The following KMT2D variants were observed in gnomAD, a reference collection of about 807,000 sequenced individuals.
KMT2D encodes histone-lysine N-methyltransferase 2D.
In KMT2D, 55 loss-of-function variants were observed where a neutral mutation model predicts 512.7. That is an observed-to-expected ratio of 0.11 (90% CI 0.09 to 0.13). The LOEUF (loss-of-function observed/expected upper bound fraction) is 0.13, where lower values mean the gene tolerates loss of function less well. KMT2D is among the 10% of genes least tolerant of loss of function. KMT2D has a pLI of 1.00. For synonymous variants in KMT2D, 2,995 were observed against 2,904.0 expected, an observed-to-expected ratio of 1.03 and a Z score of -1.01; for missense variants, 6,061 against 7,127.9, an observed-to-expected ratio of 0.85 and a Z score of 5.39.
Position 49,042,952 on chromosome 12 carries a change from TGGCCAGGAACAGTCCAGGACTCCCCACCA to T in KMT2D, c.5644+95_5645-75del. On this transcript the variant is annotated intron_variant, in intron 26 of 54. Transcript: ENST00000301067. The surrounding 1 kb of genome is among the most constrained non-coding windows in gnomAD (Gnocchi z 4.4). Reference sequence around the variant, plus strand: ...GACACCACAGGTCTACAAATGATCATGGCCAGGAACAGTCCAGGACTCCCCACCAGAGAAGCTGTACAGATCACAGTCCC... The same window carrying T: ...GACACCACAGGTCTACAAATGATCATGAGAAGCTGTACAGATCACAGTCCC... 2 of 1,596,864 alleles carry T rather than the reference TGGCCAGGAACAGTCCAGGACTCCCCACCA, an allele frequency of 1.3e-6. No homozygotes were observed. Among genetic ancestry groups the T allele is most frequent in the Non-Finnish European group, 1.7e-6 (2 of 1,166,112 alleles).
In KMT2D at chr12:49,022,703, G is replaced by A. The variant is rs2137706894; in HGVS notation, c.16225C>T (p.Leu5409=). 1 of 1,614,014 alleles carries A rather than the reference G, an allele frequency of 6.2e-7. No individual in the cohort carries two copies. Among genetic ancestry groups the A allele is most frequent in the Non-Finnish European group, 8.5e-7 (1 of 1,179,898 alleles). ...AGGTCCTTGGCTGCATAGAGCCCCAGGCCCTGGATACGGGAGCGAGCCAGG... is the reference window on the plus strand; with the variant it reads ...AGGTCCTTGGCTGCATAGAGCCCCAAGCCCTGGATACGGGAGCGAGCCAGG... The part of the protein sequence containing the change: ...VYLARSRIQG[L]GLYAAKDLEK... Residue 5409 remains leucine (L), a synonymous_variant, in exon 52 of 55, where the codon CTG becomes TTG. Coordinates refer to ENST00000301067, the MANE Select transcript of KMT2D (RefSeq NM_003482.4). The surrounding 1 kb of genome is among the most constrained non-coding windows in gnomAD (Gnocchi z 8.6).
rs2120655554 is a variant in KMT2D, at chr12:49,050,700, G to T, written c.2888C>A (p.Ala963Asp). ...PLGELEYPFG[A>D]KGDSDPESPL... ...TGACTCAGGGTCACTGTCCCCTTTG[G>T]CACCAAAGGGGTACTCTAACTCCCC... is the stretch of plus-strand genomic sequence containing the variant. Residue 963 changes from alanine to aspartate, a missense_variant, in exon 12 of 55, where the codon GCC (alanine) becomes GAC (aspartate). Ala to Asp is a moderately radical substitution (Grantham distance 126). This residue lies in a region of KMT2D where 848 missense variants were observed against 838.5 expected (regional missense o/e 1.01). Transcript: ENST00000301067. The T allele has an allele frequency of 6.2e-7, 1 of 1,613,594 alleles. No individual in the cohort carries two copies. Among genetic ancestry groups the T allele is most frequent in the East Asian group, 2.2e-5 (1 of 44,854 alleles).
Position 49,034,826 on chromosome 12 carries a change from T to C in KMT2D, c.10341A>G (p.Ala3447=). The change falls in exon 36 of 55, where the codon GCA becomes GCG. Residue 3447 remains alanine, a synonymous_variant. Coordinates refer to ENST00000301067, the MANE Select transcript of KMT2D (RefSeq NM_003482.4). ...KVMAQGSIGV[A]PGMNRQQVSL... ...CTGAGTCTTACCTGTTCATACCAGG[T>C]GCCACCCCAATGCTGCCCTGAGCCA... The C allele has an allele frequency of 6.2e-7, 1 of 1,613,984 alleles. No homozygotes were observed. The highest frequency in any genetic ancestry group is 8.5e-7 in the Non-Finnish European group (1 of 1,179,880).
rs1484318316 is a variant in KMT2D at position 49,050,081 on chromosome 12, G to A, written c.3507C>T (p.Tyr1169=). 5 of 1,613,712 alleles carry A rather than the reference G, an allele frequency of 3.1e-6. No individual in the cohort carries two copies. Among genetic ancestry groups the A allele is most frequent in the Non-Finnish European group, 3.4e-6 (4 of 1,179,884 alleles). Residue 1169 remains tyrosine (Y), a synonymous_variant, in exon 12 of 55, where the codon TAC becomes TAT. Transcript: ENST00000301067. ...ELAPVTPMEV[Y]PECKQTAGQG... is the part of the protein sequence containing the mutation. The stretch of plus-strand genomic sequence containing the variant: ...GCCCTGCTGTCTGCTTGCATTCGGG[G>A]TAGACCTCCATAGGGGTCACAGGGG...
In KMT2D at chr12:49,042,547, G is replaced by A. The variant is rs191512888; in HGVS notation, c.5867+14C>T. The A allele has an allele frequency of 2.0e-5, 32 of 1,612,692 alleles. No individual in the cohort carries two copies. Among genetic ancestry groups the A allele is most frequent in the Middle Eastern group, 1.7e-4 (1 of 6,056 alleles). ...AACGAGGACTGCCCACAAAGGTTAC[G>A]CAGAGACACCAACCTAGAATCCAGG... On this transcript the variant is annotated intron_variant, in intron 28 of 54. Transcript: ENST00000301067. The surrounding 1 kb of genome is among the most constrained non-coding windows in gnomAD (Gnocchi z 4.4).
At position 49,044,051 on chromosome 12, in the gene KMT2D, C is replaced by T. The variant is rs1300643461; in HGVS notation, c.5189-53G>A. 1 of 1,608,526 alleles carries T rather than the reference C, an allele frequency of 6.2e-7. No individual in the cohort carries two copies. Among genetic ancestry groups the T allele is most frequent in the African/African-American group, 1.3e-5 (1 of 74,840 alleles). On this transcript the variant is annotated intron_variant, in intron 22 of 54. Coordinates refer to ENST00000301067, the MANE Select transcript of KMT2D (RefSeq NM_003482.4). The surrounding 1 kb of genome is among the most constrained non-coding windows in gnomAD (Gnocchi z 6.4). Reference sequence around the variant, plus strand: ...CGGGTTGAGAGCATGCTGCTCCCAACTTGCAGGGTGACACTTTGTGCCTAC... The same window carrying T: ...CGGGTTGAGAGCATGCTGCTCCCAATTTGCAGGGTGACACTTTGTGCCTAC...
At chr12:49,043,247 C>T (rs1943621826) in intron 25 of KMT2D, 61 bp from the exon 26 acceptor site, 1 of 1,536,854 alleles carries the variant, frequency 6.5e-7, no homozygotes, top group African/African-American at 1.4e-5. Flanking sequence ...CACTCTGAAC[C>T]ACAGAGGGCC....
chr12:49,025,297 C>T (rs1942518595), intron 49 of KMT2D, among the ~76,000 whole-genome samples: 3 of 152,174 alleles, frequency 2.0e-5, no homozygotes, highest in African/African-American at 7.2e-5. Context: ...CAAATACAGT[C>T]ACGTGCAGCT....
rs550676394 is a variant in KMT2D at position 49,043,943 on chromosome 12, C to T, written c.5244G>A (p.Gly1748=). The T allele has an allele frequency of 8.6e-5, 139 of 1,614,044 alleles. No homozygotes were observed. In the South Asian group the frequency reaches 1.4e-3, roughly 17 times the overall value. ...EGAVEQSLAE[G]DEKKKQQRRG... The stretch of plus-strand genomic sequence containing the variant: ...GCCGCTGTTGCTTCTTCTTCTCATC[C>T]CCTTCAGCTAAGCTCTGCTCCACGG... Residue 1748 remains glycine, a synonymous_variant, in exon 23 of 55, where the codon GGG becomes GGA. Transcript: ENST00000301067.
Position 49,027,299 on chromosome 12 carries a change from G to A in KMT2D, c.14667C>T (p.Pro4889=), listed in dbSNP as rs746115465. The stretch of plus-strand genomic sequence containing the variant: ...CATTGTAGGTATAGCTGTGCTGAGT[G>A]GGTGGCTCTGGGGCGGGGCTCTCCT... ...LKQESPAPEP[P]TQHSYTYNVS... Residue 4889 remains proline (P), a synonymous_variant, in exon 49 of 55, where the codon CCC becomes CCT. Transcript: ENST00000301067. 1 of 1,531,852 alleles carries A rather than the reference G, an allele frequency of 6.5e-7. No individual in the cohort carries two copies. Among genetic ancestry groups the A allele is most frequent in the Non-Finnish European group, 8.8e-7 (1 of 1,142,794 alleles). 94.9% of individuals were successfully genotyped at this position (1,531,852 alleles called of 1,614,324 possible).
Position 49,048,788 on chromosome 12 carries a change from T to C in KMT2D, c.4021-19A>G, listed in dbSNP as rs1937716811. ...CAGCAACCTGATGGGCAGAGAGTTA[T>C]GGAAAGTGAGGCAGATAAATCTGCC... On this transcript the variant is annotated intron_variant, in intron 13 of 54. Coordinates refer to ENST00000301067, the MANE Select transcript of KMT2D (RefSeq NM_003482.4). 1.3e-6 allele frequency: 2 copies of C among 1,517,518 alleles called. No individual in the cohort carries two copies. The highest frequency in any genetic ancestry group is 1.8e-6 in the Non-Finnish European group (2 of 1,100,174). 94.0% of individuals were successfully genotyped at this position (1,517,518 alleles called of 1,614,324 possible).
chr12:49,044,799 G>A lies in KMT2D; in HGVS notation c.4908C>T (p.Gly1636=), dbSNP rs769668943. 3 of 1,614,002 alleles carry A rather than the reference G, an allele frequency of 1.9e-6. No homozygotes were observed. In the South Asian group the frequency reaches 3.3e-5, roughly 18 times the overall value. Residue 1636 remains glycine, a synonymous_variant, in exon 20 of 55, where the codon GGC becomes GGT. Coordinates refer to ENST00000301067, the MANE Select transcript of KMT2D (RefSeq NM_003482.4). The surrounding 1 kb of genome is among the most constrained non-coding windows in gnomAD (Gnocchi z 6.4). ...GGTCCCCATCCTTCTTGTCATCAGG[G>A]CCAAGGGCATCTGAGGGCTCAGAAC... is the stretch of plus-strand genomic sequence containing the variant. ...LEGSEPSDAL[G]PDDKKDGDLD...
Position 49,030,585 on chromosome 12 carries a change from T to C in KMT2D, c.13839+16A>G, listed in dbSNP as rs1942851272. On this transcript the variant is annotated intron_variant, in intron 42 of 54. Coordinates refer to ENST00000301067, the MANE Select transcript of KMT2D (RefSeq NM_003482.4). Reference sequence around the variant, plus strand: ...AGAACTTCACTATTCCCAAAAAATATTGCCATTTTTCTGACCTTGGTAAGC... The same window carrying C: ...AGAACTTCACTATTCCCAAAAAATACTGCCATTTTTCTGACCTTGGTAAGC... 15 of 1,545,628 alleles carry C rather than the reference T, an allele frequency of 9.7e-6. No individual in the cohort carries two copies. Among genetic ancestry groups the C allele is most frequent in the African/African-American group, 1.4e-5 (1 of 72,600 alleles).
chr12:49,019,066 A>C lies in KMT2D; in HGVS notation c.*2714T>G. 2 of 1,340,248 alleles carry C rather than the reference A, an allele frequency of 1.5e-6. No individual in the cohort carries two copies. The highest frequency in any genetic ancestry group is 1.9e-6 in the Non-Finnish European group (2 of 1,043,814). 83.0% of individuals were successfully genotyped at this position (1,340,248 alleles called of 1,614,324 possible). A position where few individuals can be genotyped will look rare whatever the true frequency, so the allele number is the denominator to read the frequency against. On this transcript the variant is annotated 3_prime_UTR_variant, in exon 55 of 55. Coordinates refer to ENST00000301067, the MANE Select transcript of KMT2D (RefSeq NM_003482.4). ...ACTTGCCCTTTGCCTCTCGCAACATAAATATGTACAGTTCAGAATGATCGC... is the reference window on the plus strand; with the variant it reads ...ACTTGCCCTTTGCCTCTCGCAACATCAATATGTACAGTTCAGAATGATCGC...
chr12:49,023,272 G>A (rs968728872), intron 51 of KMT2D, among the ~76,000 whole-genome samples: 7 of 152,192 alleles, frequency 4.6e-5, no homozygotes, highest in Admixed American at 3.9e-4. Flanking sequence ...AATTTAAGCT[G>A]ATGGTTTGCT....
rs1380852147 is a variant in KMT2D at position 49,019,439 on chromosome 12, C to G, written c.*2341G>C. On this transcript the variant is annotated 3_prime_UTR_variant, in exon 55 of 55. Coordinates refer to ENST00000301067, the MANE Select transcript of KMT2D (RefSeq NM_003482.4). The stretch of plus-strand genomic sequence containing the variant: ...TTAAAAAAAAAACCAACCAAAATTC[C>G]AACCTTGTAGCTTGGGTCTGAGTTA... 4.5e-6 allele frequency: 1 copy of G among 223,408 alleles called. No homozygotes were observed. Among genetic ancestry groups the G allele is most frequent in the Admixed American group, 5.7e-5 (1 of 17,426 alleles). The allele number at this position is 223,408 out of a possible 1,614,324, so 13.8% of individuals were successfully genotyped here. A position where few individuals can be genotyped will look rare whatever the true frequency, so the allele number is the denominator to read the frequency against.
rs373319977 is a variant in KMT2D, at chr12:49,024,615, C to A, written c.16015G>T (p.Ala5339Ser). 6.2e-7 allele frequency: 1 copy of A among 1,613,700 alleles called. No individual in the cohort carries two copies. The highest frequency in any genetic ancestry group is 2.2e-5 in the East Asian group (1 of 44,890). The change falls in exon 51 of 55, where the codon GCC (alanine) becomes TCC (serine). Residue 5339 changes from alanine (A) to serine (S), a missense_variant. Coordinates refer to ENST00000301067, the MANE Select transcript of KMT2D (RefSeq NM_003482.4). The surrounding 1 kb of genome is among the most constrained non-coding windows in gnomAD (Gnocchi z 4.5). ...LPLMINPTGCARSEPKILTHY... is the reference protein window; with the variant it reads ...LPLMINPTGCSRSEPKILTHY... ...GTGAGGATTTTAGGCTCTGATCGGG[C>A]ACAGCCAGTGGGGTTGATCATGAGT...
At chr12:49,027,347 T>C in intron 48 of KMT2D, 25 bp from the exon 49 acceptor site, 1 of 1,499,576 alleles carries the variant, frequency 6.7e-7, no homozygotes, top group Non-Finnish European at 8.9e-7. Flanking sequence ...CCTGTATCAT[T>C]AGTGCCAGCT....
chr12:49,035,493 A>G (rs1943175871), intron 35 of KMT2D: 1 of 152,410 alleles, frequency 6.6e-6, no homozygotes, highest in Admixed American at 6.6e-5. Flanking sequence ...ATCATCCTAA[A>G]ATCCCACACT....
Sources: allele counts gnomAD v4.1 joint callset (sites outside exome capture counted in the v4.1 genomes callset), GRCh38; gene constraint gnomAD v4.1.1; regional missense constraint gnomAD v4.1.1; non-coding constraint Gnocchi (gnomAD v3.1); transcripts MANE v1.5; gene names NCBI Gene and HGNC (gene_info 2026-07-23, HGNC 2026-07-21).